Variants in PHF6 observed in about 807,000 individuals in gnomAD.
PHF6 encodes the protein PHD-like zinc finger protein.
PHF6 carries 7 observed loss-of-function variants against 34.0 expected under a neutral mutation model. The observed-to-expected ratio is 0.21, with a 90% confidence interval of 0.12 to 0.39. PHF6 has a LOEUF of 0.39. Ranked by LOEUF, PHF6 falls within the 10% of genes least tolerant of loss-of-function variation. The pLI is 1.00. For missense variants in PHF6, 128 were observed against 262.8 expected (o/e 0.49, Z 3.55); for synonymous variants, 89 against 88.4 (o/e 1.01, Z -0.04).
At chrX:134,377,117 TATTATAC>T (rs1456392488) in intron 1 of PHF6, among the ~76,000 whole-genome samples, 1 of 110,473 alleles carries the variant, frequency 9.1e-6, no homozygotes, top group African/African-American at 3.3e-5. Flanking sequence ...GATAATTTAA[TATTATAC>T]ATTGTACATT....
Position 134,427,425 on chromosome X carries a change from T to C in PHF6, c.*1765T>C. On this transcript the variant is annotated 3_prime_UTR_variant, in exon 11 of 11. Coordinates refer to ENST00000370803, the MANE Select transcript of PHF6 (RefSeq NM_001015877.2). ...CACTGTGTCTAGATCATTTTTTACATTGTGTGCCATAGACTTACCCATGGG... is the reference window on the plus strand; with the variant it reads ...CACTGTGTCTAGATCATTTTTTACACTGTGTGCCATAGACTTACCCATGGG... The C allele has an allele frequency of 6.2e-6, 1 of 160,618 alleles. No homozygotes were observed. The highest frequency in any genetic ancestry group is 9.4e-5 in the East Asian group (1 of 10,639). The allele number at this position is 160,618 out of a possible 1,213,427, so 13.2% of individuals were successfully genotyped here.
At chrX:134,418,422 G>A (rs748517272) in intron 9 of PHF6, 2 of 111,481 alleles carry the variant, frequency 1.8e-5, no homozygotes, top group African/African-American at 6.5e-5. Flanking sequence ...TTGTTTAATC[G>A]ACTGGAGTAT....
At chrX:134,402,767 G>A (rs1001902176) in intron 5 of PHF6, among the ~76,000 whole-genome samples, 1 of 111,958 alleles carries the variant, frequency 8.9e-6, no homozygotes, top group Non-Finnish European at 1.9e-5. Flanking sequence ...CATTTTTTCC[G>A]ACAGGATATG....
Position 134,415,321 on chromosome X carries a change from T to C in PHF6, c.834+201T>C, listed in dbSNP as rs1055075839. The C allele has an allele frequency of 1.3e-5, 8 of 606,208 alleles. No individual in the cohort carries two copies. In the Middle Eastern group the frequency reaches 1.6e-3, roughly 123 times the overall value. 50.0% of individuals were successfully genotyped at this position (606,208 alleles called of 1,213,427 possible). A position where few individuals can be genotyped will look rare whatever the true frequency, so the allele number is the denominator to read the frequency against. On this transcript the variant is annotated intron_variant, in intron 8 of 10. Coordinates refer to ENST00000370803, the MANE Select transcript of PHF6 (RefSeq NM_001015877.2). ...ATTTCTCTATGTAACTTCATTACTT[T>C]AAGAGAATTATACTGAGAAGATTTA...
chrX:134,392,250 A>G (rs750900157), intron 3 of PHF6, among the ~76,000 whole-genome samples: 8 of 112,331 alleles, frequency 7.1e-5, no homozygotes, highest in Non-Finnish European at 1.3e-4. Flanking sequence ...AAATTAATAA[A>G]AAGAGGGATG....
intron 1 of PHF6, among the ~76,000 whole-genome samples, chrX:134,373,828 A>G (rs770412822): frequency 2.9e-5 from 3 of 104,127 alleles, no homozygotes; most frequent in Non-Finnish European, 3.9e-5. Flanking sequence ...AATTGTTAGG[A>G]TGGCAAGAGA....
intron 5 of PHF6, among the ~76,000 whole-genome samples, chrX:134,395,530 A>T (rs1167791639): frequency 1.8e-5 from 2 of 112,247 alleles, no homozygotes; most frequent in Non-Finnish European, 3.8e-5. Flanking sequence ...AATGGCTTAG[A>T]TGTAATCTGC....
intron 8 of PHF6, among the ~76,000 whole-genome samples, chrX:134,416,833 A>G (rs1042148427): frequency 2.7e-5 from 3 of 111,719 alleles, no homozygotes; most frequent in Non-Finnish European, 5.6e-5. Flanking sequence ...CATAATAGGA[A>G]AGGATCTGAT....
intron 5 of PHF6, among the ~76,000 whole-genome samples, chrX:134,406,679 A>G (rs1489568363): frequency 8.9e-6 from 1 of 112,061 alleles, no homozygotes; most frequent in Non-Finnish European, 1.9e-5. Flanking sequence ...GACATCTGCA[A>G]GCTGTGCTGA....
chrX:134,393,584 A>G lies in PHF6; in HGVS notation c.324A>G (p.Ala108=). ...ACAGGACATACCACTACCACTGTGC[A>G]TTGCATGATAAAGCTCAAATACGAG... ...TCHRTYHYHC[A]LHDKAQIREK... The change falls in exon 4 of 11, where the codon GCA becomes GCG. Residue 108 remains alanine (A), a synonymous_variant. Transcript: ENST00000370803. 8.3e-7 allele frequency: 1 copy of G among 1,207,875 alleles called. No individual in the cohort carries two copies. Among genetic ancestry groups the G allele is most frequent in the Non-Finnish European group, 1.1e-6 (1 of 892,081 alleles).
At chrX:134,414,089 T>C in intron 7 of PHF6, 123 bp downstream of exon 7, 1 of 680,708 alleles carries the variant, frequency 1.5e-6, no homozygotes, top group Non-Finnish European at 2.3e-6. Flanking sequence ...ACCAAAAAAT[T>C]TCCCCCCACC....
At chrX:134,394,500 T>C (rs2077368403) in intron 5 of PHF6, among the ~76,000 whole-genome samples, 1 of 110,569 alleles carries the variant, frequency 9.0e-6, no homozygotes, top group Admixed American at 9.6e-5. Flanking sequence ...AATCTATCTT[T>C]AGTAAGAAAT....
At position 134,426,062 on chromosome X, in the gene PHF6, C is replaced by T; in HGVS notation, c.*402C>T. 1 of 157,377 alleles carries T rather than the reference C, an allele frequency of 6.4e-6. No homozygotes were observed. The highest frequency in any genetic ancestry group is 1.2e-5 in the Non-Finnish European group (1 of 82,639). The allele number at this position is 157,377 out of a possible 1,213,427, so 13.0% of individuals were successfully genotyped here. A position where few individuals can be genotyped will look rare whatever the true frequency, so the allele number is the denominator to read the frequency against. On this transcript the variant is annotated 3_prime_UTR_variant, in exon 11 of 11. Coordinates refer to ENST00000370803, the MANE Select transcript of PHF6 (RefSeq NM_001015877.2). Reference sequence around the variant, plus strand: ...ATTTTCCTTTACAATGCAAACATGCCACTGGTGGCAGCACATGGTAATTTG... The same window carrying T: ...ATTTTCCTTTACAATGCAAACATGCTACTGGTGGCAGCACATGGTAATTTG...
intron 3 of PHF6, among the ~76,000 whole-genome samples, chrX:134,392,994 T>C (rs905014444): frequency 9.0e-6 from 1 of 111,400 alleles, no homozygotes; most frequent in Non-Finnish European, 1.9e-5. Flanking sequence ...GAGATGGGGT[T>C]TCACCATATT....
intron 3 of PHF6, among the ~76,000 whole-genome samples, chrX:134,381,580 C>T (rs1487631690): frequency 1.8e-5 from 2 of 108,608 alleles, no homozygotes; most frequent in African/African-American, 6.7e-5. Context: ...CTGCAACCTC[C>T]GCCTCCTAGG....
chrX:134,416,800 G>A (rs1170547291), intron 8 of PHF6, among the ~76,000 whole-genome samples: 3 of 111,477 alleles, frequency 2.7e-5, no homozygotes, highest in Non-Finnish European at 5.7e-5. Context: ...TTGCTTTTCT[G>A]GTTTCTTATT....
intron 10 of PHF6, 64 bp from the exon 11 acceptor site, chrX:134,425,597 C>T: frequency 3.1e-6 from 1 of 321,164 alleles, no homozygotes; most frequent in Non-Finnish European, 5.4e-6. Flanking sequence ...TCCTCAATAA[C>T]ATTATATTGA....
chrX:134,384,872 T>G (rs755528720), intron 3 of PHF6, among the ~76,000 whole-genome samples: 1 of 110,702 alleles, frequency 9.0e-6, no homozygotes, highest in Non-Finnish European at 1.9e-5. Context: ...AGGATGGTCT[T>G]GATCTCCTGA....
intron 3 of PHF6, 42 bp from the exon 4 acceptor site, chrX:134,393,459 A>G (rs754526347): frequency 1.7e-6 from 2 of 1,195,782 alleles, no homozygotes. Flanking sequence ...ACAGCCTTAG[A>G]AAGTCACATA....
Sources: gnomAD v4.1 joint callset for allele counts (sites outside exome capture counted in the v4.1 genomes callset) on GRCh38, gnomAD v4.1.1 for gene constraint, MANE v1.5 for transcripts, NCBI Gene and HGNC (gene_info 2026-07-23, HGNC 2026-07-21) for gene names.